PPFIA2: variants seen among roughly 807,000 people sequenced by gnomAD.
PPFIA2 encodes liprin-alpha-2.
A neutral mutation model predicts 175.5 loss-of-function variants in PPFIA2; 46 were observed. The observed-to-expected ratio is 0.26, with a 90% confidence interval of 0.21 to 0.34. The LOEUF (loss-of-function observed/expected upper bound fraction) is 0.34. Ranked by LOEUF, PPFIA2 falls within the 10% of genes least tolerant of loss-of-function variation. PPFIA2 has a pLI of 1.00. For synonymous variants in PPFIA2, 568 were observed against 511.4 expected (o/e 1.11, Z -1.49); for missense variants, 1,179 against 1,506.1 (o/e 0.78, Z 3.60).
At chr12:81,359,377 C>G (rs2061307218) in intron 15 of PPFIA2, among the ~76,000 whole-genome samples, 1 of 151,586 alleles carries the variant, frequency 6.6e-6, no homozygotes, top group Non-Finnish European at 1.5e-5. Flanking sequence ...TAGGTGACAG[C>G]TATTGTTTTT....
At position 81,645,217 on chromosome 12, in the gene PPFIA2, A is replaced by G. The variant is rs1057507451; in HGVS notation, c.303+31574T>C. Among the ~76,000 whole-genome samples, 8 of 152,010 alleles carry G rather than the reference A, an allele frequency of 5.3e-5. No individual in the cohort carries two copies. The South Asian group carries it at 1.5e-3, about 28-fold the overall frequency. ...AAGGAAGGAAGGAAGGAAGGAGAAG[A>G]AAGAGAAAGAAGGAACTTTTAAAAA... is the stretch of plus-strand genomic sequence containing the variant. On this transcript the variant is annotated intron_variant, in intron 4 of 32. Coordinates refer to ENST00000549396, the MANE Select transcript of PPFIA2 (RefSeq NM_003625.5).
chr12:81,675,387 C>G (rs1036636301), intron 4 of PPFIA2: 1 of 151,904 alleles, frequency 6.6e-6, no homozygotes, highest in Non-Finnish European at 1.5e-5. Flanking sequence ...GGCCACATAC[C>G]CATTCAATCT....
chr12:81,684,838 A>T (rs1363389533), intron 3 of PPFIA2, among the ~76,000 whole-genome samples: 1 of 152,046 alleles, frequency 6.6e-6, no homozygotes, highest in Non-Finnish European at 1.5e-5. Context: ...TGAGGTACTA[A>T]GTTTCTATAT....
chr12:81,569,621 T>C (rs1169093460), intron 4 of PPFIA2, among the ~76,000 whole-genome samples: 1 of 152,212 alleles, frequency 6.6e-6, no homozygotes, highest in Non-Finnish European at 1.5e-5. Context: ...TCCTATATTT[T>C]AAATTTAACA....
intron 29 of PPFIA2, among the ~76,000 whole-genome samples, chr12:81,267,646 G>A (rs951176501): frequency 6.6e-6 from 1 of 152,120 alleles, no homozygotes; most frequent in Non-Finnish European, 1.5e-5. Flanking sequence ...CATCTGTCAG[G>A]GATTTCATTT....
intron 4 of PPFIA2, among the ~76,000 whole-genome samples, chr12:81,615,824 G>A (rs1434108318): frequency 6.6e-6 from 1 of 152,162 alleles, no homozygotes; most frequent in Non-Finnish European, 1.5e-5. Flanking sequence ...AAAGAAAGGA[G>A]GAATAGGAAT....
chr12:81,534,040 T>C (rs1320406429), intron 4 of PPFIA2, among the ~76,000 whole-genome samples: 1 of 151,566 alleles, frequency 6.6e-6, no homozygotes, highest in Non-Finnish European at 1.5e-5. Context: ...ATGTAGGTCA[T>C]TAGGTTAAGT....
At chr12:81,664,785 C>G (rs2069768423) in intron 4 of PPFIA2, among the ~76,000 whole-genome samples, 2 of 152,076 alleles carry the variant, frequency 1.3e-5, no homozygotes, top group African/African-American at 2.4e-5. Flanking sequence ...TTGGAACCAA[C>G]CCGAATGTCC....
intron 3 of PPFIA2, among the ~76,000 whole-genome samples, chr12:81,743,157 G>A (rs1487646312): frequency 1.3e-5 from 2 of 151,942 alleles, no homozygotes; most frequent in Non-Finnish European, 2.9e-5. Flanking sequence ...GGTGGCTCAC[G>A]CCTGTAATCC....
At chr12:81,506,566 C>T (rs1290923097) in intron 4 of PPFIA2, among the ~76,000 whole-genome samples, 1 of 152,166 alleles carries the variant, frequency 6.6e-6, no homozygotes, top group Non-Finnish European at 1.5e-5. Flanking sequence ...GAATTAAACA[C>T]ATATGTTAAG....
At chr12:81,660,310 A>G (rs1420897608) in intron 4 of PPFIA2, among the ~76,000 whole-genome samples, 1 of 152,156 alleles carries the variant, frequency 6.6e-6, no homozygotes, top group Non-Finnish European at 1.5e-5. Context: ...AAAAGATTAG[A>G]TGAATGGCTA....
At chr12:81,742,765 C>T (rs901381729) in intron 3 of PPFIA2, among the ~76,000 whole-genome samples, 1 of 151,910 alleles carries the variant, frequency 6.6e-6, no homozygotes, top group Non-Finnish European at 1.5e-5. Context: ...CATTAAGATG[C>T]CAGGAAGATG....
At chr12:81,640,415 T>C (rs1317865300) in intron 4 of PPFIA2, among the ~76,000 whole-genome samples, 1 of 152,162 alleles carries the variant, frequency 6.6e-6, no homozygotes, top group Non-Finnish European at 1.5e-5. Flanking sequence ...ATCCTACGTA[T>C]CTAATCACAC....
intron 3 of PPFIA2, among the ~76,000 whole-genome samples, chr12:81,728,255 A>C (rs2080357300): frequency 6.6e-6 from 1 of 151,412 alleles, no homozygotes; most frequent in African/African-American, 2.4e-5. Flanking sequence ...AAAAAGGCTA[A>C]GAATGGTTGA....
At chr12:81,376,400 T>C (rs1418813072) in intron 9 of PPFIA2, among the ~76,000 whole-genome samples, 8 of 145,546 alleles carry the variant, frequency 5.5e-5, no homozygotes, top group Admixed American at 3.4e-4. Context: ...AGGAACTCTG[T>C]GGTTAAAAGG....
chr12:81,262,476 G>A (rs1252221616), intron 31 of PPFIA2, among the ~76,000 whole-genome samples: 1 of 152,168 alleles, frequency 6.6e-6, no homozygotes, highest in Non-Finnish European at 1.5e-5. Context: ...CAAGATCACA[G>A]TTTATGTTGG....
intron 11 of PPFIA2, among the ~76,000 whole-genome samples, chr12:81,370,167 G>T (rs1275342704): frequency 6.6e-6 from 1 of 151,772 alleles, no homozygotes; most frequent in Non-Finnish European, 1.5e-5. Flanking sequence ...AATGACTCAG[G>T]TGTAATTAAT....
intron 4 of PPFIA2, among the ~76,000 whole-genome samples, chr12:81,564,581 A>G (rs2070897033): frequency 6.6e-6 from 1 of 152,200 alleles, no homozygotes; most frequent in Non-Finnish European, 1.5e-5. Context: ...TATGTAGAAC[A>G]CTGATAGTCC....
At chr12:81,498,612 T>C (rs150733591) in intron 4 of PPFIA2, among the ~76,000 whole-genome samples, 2 of 152,150 alleles carry the variant, frequency 1.3e-5, no homozygotes, top group Admixed American at 6.5e-5. Flanking sequence ...CTTATTAATT[T>C]ATTTATTCAT....
Sources: allele counts gnomAD v4.1 joint callset (sites outside exome capture counted in the v4.1 genomes callset), GRCh38; gene constraint gnomAD v4.1.1; transcripts MANE v1.5; gene names NCBI Gene and HGNC (gene_info 2026-07-23, HGNC 2026-07-21).